The following EPCAM variants were observed in gnomAD, a reference collection of about 807,000 sequenced individuals.
EPCAM encodes adenocarcinoma-associated antigen.
In EPCAM, 39 loss-of-function variants were observed where a neutral mutation model predicts 40.0. That is an observed-to-expected ratio of 0.98 (90% CI 0.76 to 1.27). The LOEUF (loss-of-function observed/expected upper bound fraction) is 1.27, where lower values mean the gene tolerates loss of function less well. EPCAM is among the 50% of genes most tolerant of loss of function. The pLI is 0.00. For missense variants in EPCAM, 503 were observed against 381.2 expected (o/e 1.32, Z -2.66); for synonymous variants, 168 against 132.3 (o/e 1.27, Z -1.85).
intron 5 of EPCAM, among the ~76,000 whole-genome samples, chr2:47,378,163 C>T (rs1018137608): frequency 1.2e-4 from 19 of 152,016 alleles, no homozygotes; most frequent in African/African-American, 2.7e-4. Flanking sequence ...ACCTGAGAGG[C>T]GGAGCTTGCA....
rs1331108946 is a variant in EPCAM at position 47,380,570 on chromosome 2, C to T, written c.858+601C>T. Reference sequence around the variant, plus strand: ...TCAGTTGTCACTGCAAACAATTCAACACCTAGTGCAAAATACCTGAACCCC... The same window carrying T: ...TCAGTTGTCACTGCAAACAATTCAATACCTAGTGCAAAATACCTGAACCCC... On this transcript the variant is annotated intron_variant, in intron 7 of 8. Coordinates refer to ENST00000263735, the MANE Select transcript of EPCAM (RefSeq NM_002354.3). 3.3e-5 allele frequency among the ~76,000 whole-genome samples: 5 copies of T among 152,306 alleles called. No individual in the cohort carries two copies. The East Asian group carries it at 7.7e-4, about 23-fold the overall frequency.
chr2:47,370,019 C>T (rs971065227), intron 1 of EPCAM, among the ~76,000 whole-genome samples: 5 of 152,202 alleles, frequency 3.3e-5, no homozygotes, highest in African/African-American at 4.8e-5. Flanking sequence ...TTGCAGCGGG[C>T]CCCGGATGTG....
Position 47,375,238 on chromosome 2 carries a change from A to G in EPCAM, c.430A>G (p.Ile144Val), listed in dbSNP as rs777678402. 6.2e-7 allele frequency: 1 copy of G among 1,605,786 alleles called. No homozygotes were observed. Among genetic ancestry groups the G allele is most frequent in the Non-Finnish European group, 8.5e-7 (1 of 1,172,616 alleles). The part of the protein sequence containing the change: ...TCSERVRTYW[I>V]IIELKHKARE... ...CATTGTCTTTTTACTTTATAGCTGG[A>G]TCATCATTGAACTAAAACACAAAGC... The change falls in exon 4 of 9, where the codon ATC becomes GTC. Residue 144 changes from isoleucine to valine, a missense_variant. Coordinates refer to ENST00000263735, the MANE Select transcript of EPCAM (RefSeq NM_002354.3).
Position 47,373,587 on chromosome 2 carries a change from A to C in EPCAM, c.184+17A>C. ...GCTCAAAGCGTGAGTAAAATATCCT[A>C]ATTACCTGTAAGCTTTATTTTGACT... On this transcript the variant is annotated intron_variant, in intron 2 of 8. Transcript: ENST00000263735. 1 of 1,566,686 alleles carries C rather than the reference A, an allele frequency of 6.4e-7. No individual in the cohort carries two copies. Among genetic ancestry groups the C allele is most frequent in the Admixed American group, 1.7e-5 (1 of 59,872 alleles).
rs566588201 is a variant in EPCAM at position 47,373,754 on chromosome 2, C to A, written c.185-54C>A. ...AACTTTAGAGTTAATTTTTTTTTTCCCGTAATCATGAAATCAGTTATTTTT... is the reference window on the plus strand; with the variant it reads ...AACTTTAGAGTTAATTTTTTTTTTCACGTAATCATGAAATCAGTTATTTTT... On this transcript the variant is annotated intron_variant, in intron 2 of 8. Coordinates refer to ENST00000263735, the MANE Select transcript of EPCAM (RefSeq NM_002354.3). 2.1e-5 allele frequency: 33 copies of A among 1,605,472 alleles called. No homozygotes were observed. In the East Asian group the frequency reaches 6.5e-4, roughly 31 times the overall value.
rs866410675 is a variant in EPCAM, at chr2:47,373,221, A to C, written c.77-242A>C. ...CCCTATCTTTAAAAAAAAAAAAAAAAAAAAAAAAAAAAAACAGGAATGCAT... is the reference window on the plus strand; with the variant it reads ...CCCTATCTTTAAAAAAAAAAAAAAACAAAAAAAAAAAAAACAGGAATGCAT... On this transcript the variant is annotated intron_variant, in intron 1 of 8. Coordinates refer to ENST00000263735, the MANE Select transcript of EPCAM (RefSeq NM_002354.3). Among the ~76,000 whole-genome samples, 4,706 of 149,352 alleles carry C rather than the reference A, an allele frequency of 0.032. 218 individuals carry two copies. Among genetic ancestry groups the C allele is most frequent in the East Asian group, 0.081 (412 of 5,090 alleles).
At chr2:47,371,836 C>G (rs1370015226) in intron 1 of EPCAM, among the ~76,000 whole-genome samples, 1 of 152,146 alleles carries the variant, frequency 6.6e-6, no homozygotes, top group East Asian at 1.9e-4. Context: ...TTCATATCGA[C>G]TATAACTTGA....
chr2:47,374,017 GAAAT>G lies in EPCAM; in HGVS notation c.397_400del (p.Ile133ProfsTer6). The G allele has an allele frequency of 1.2e-6, 2 of 1,614,176 alleles. No individual in the cohort carries two copies. Among genetic ancestry groups the G allele is most frequent in the Non-Finnish European group, 1.7e-6 (2 of 1,180,030 alleles). On this transcript the variant is annotated frameshift_variant, in exon 3 of 9. Transcript: ENST00000263735. LOFTEE classifies it high-confidence loss of function. ...GGTCAGAAGAACAGACAAGGACACT[GAAAT>G]AACCTGCTCTGAGCGAGTGAGAACC...
chr2:47,374,593 G>A (rs976398278), intron 3 of EPCAM, among the ~76,000 whole-genome samples: 3 of 151,860 alleles, frequency 2.0e-5, no homozygotes, highest in Admixed American at 1.3e-4. Context: ...CTGGAGCCTC[G>A]TTGTCAGTTT....
intron 1 of EPCAM, among the ~76,000 whole-genome samples, chr2:47,372,906 A>C (rs1455088338): frequency 6.6e-6 from 1 of 151,888 alleles, no homozygotes. Context: ...TTCTTGTTTT[A>C]AAAAAATTGT....
chr2:47,381,159 G>A (rs568539549), intron 7 of EPCAM, among the ~76,000 whole-genome samples: 2 of 149,942 alleles, frequency 1.3e-5, no homozygotes, highest in Admixed American at 1.3e-4. Context: ...CACTTTGGGA[G>A]GCTGAGGCGG....
chr2:47,385,040 T>C, intron 7 of EPCAM, 126 bp from the exon 8 acceptor site: 1 of 771,684 alleles, frequency 1.3e-6, no homozygotes, highest in South Asian at 1.4e-5. Context: ...TAAATGTTTA[T>C]GGATAGATGT....
chr2:47,385,048 T>A (rs1462855447), intron 7 of EPCAM, 118 bp from the exon 8 acceptor site: 2 of 801,914 alleles, frequency 2.5e-6, no homozygotes, highest in Non-Finnish European at 4.4e-6. Context: ...TATGGATAGA[T>A]GTTAAAATTA....
At chr2:47,385,401 C>T (rs116677246) in intron 8 of EPCAM, among the ~76,000 whole-genome samples, 191 bp downstream of exon 8, 1 of 152,128 alleles carries the variant, frequency 6.6e-6, no homozygotes, top group South Asian at 2.1e-4. Flanking sequence ...GGCAGATCAC[C>T]ATCTGTTTTC....
intron 1 of EPCAM, among the ~76,000 whole-genome samples, chr2:47,373,034 C>T (rs748003352): frequency 6.0e-5 from 9 of 150,764 alleles, no homozygotes; most frequent in South Asian, 2.1e-4. Flanking sequence ...GGCGAAACCC[C>T]GTATCTACAA....
chr2:47,380,065 C>T (rs1671548926), intron 7 of EPCAM, 96 bp downstream of exon 7: 4 of 1,540,596 alleles, frequency 2.6e-6, no homozygotes. Context: ...CCTGTTATCC[C>T]TACACTTTGG....
intron 4 of EPCAM, among the ~76,000 whole-genome samples, chr2:47,376,739 A>T (rs1032452605): frequency 1.3e-5 from 2 of 152,178 alleles, no homozygotes; most frequent in African/African-American, 2.4e-5. Context: ...CTGTGAAGTT[A>T]CCATTCTCCC....
intron 7 of EPCAM, among the ~76,000 whole-genome samples, chr2:47,383,600 G>GCCTCTT: frequency 1.9e-5 from 2 of 104,566 alleles, no homozygotes; most frequent in South Asian, 7.2e-4. Flanking sequence ...ACTGTGCCCG[G>GCCTCTT]CTTCTTCTTT....
At position 47,373,874 on chromosome 2, in the gene EPCAM, C is replaced by G. The variant is rs768646797; in HGVS notation, c.251C>G (p.Pro84Arg). 2.5e-6 allele frequency: 4 copies of G among 1,614,004 alleles called. No homozygotes were observed. The highest frequency in any genetic ancestry group is 3.4e-6 in the Non-Finnish European group (4 of 1,180,030). Residue 84 changes from proline to arginine, a missense_variant, in exon 3 of 9, where the codon CCT (proline) becomes CGT (arginine). Transcript: ENST00000263735. ...TCAAAACTTGGGAGAAGAGCAAAAC[C>G]TGAAGGGGCCCTCCAGAACAATGAT... ...NGSKLGRRAK[P>R]EGALQNNDGL...
Sources: allele counts gnomAD v4.1 joint callset (sites outside exome capture counted in the v4.1 genomes callset), GRCh38; gene constraint gnomAD v4.1.1; transcripts MANE v1.5; gene names NCBI Gene and HGNC (gene_info 2026-07-23, HGNC 2026-07-21).